The following PDE3A variants were observed in gnomAD, a reference collection of about 807,000 sequenced individuals.
The protein encoded by PDE3A is cGMP-inhibited 3',5'-cyclic phosphodiesterase 3A.
Under a neutral mutation model 98.3 loss-of-function variants are expected in PDE3A, and 43 were observed. The ratio of observed to expected loss-of-function variants is 0.44; its 90% CI spans 0.34 to 0.56. The LOEUF is 0.56. Ranked by LOEUF, PDE3A falls within the 20% of genes least tolerant of loss-of-function variation. The pLI is 0.01. For missense variants in PDE3A, 1,427 were observed against 1,440.7 expected (o/e 0.99, Z 0.15); for synonymous variants, 663 against 567.9 (o/e 1.17, Z -2.38).
intron 15 of PDE3A, among the ~76,000 whole-genome samples, chr12:20,676,824 A>G (rs1257606276): frequency 6.6e-6 from 1 of 152,132 alleles, no homozygotes; most frequent in Non-Finnish European, 1.5e-5. Context: ...AAGTTTGGCT[A>G]CAATGCACCA....
rs1286582922 is a variant in PDE3A, at chr12:20,369,049, G to A, written c.-236G>A. Reference sequence around the variant, plus strand: ...CTGCCCGTGCTTGTTTTCAACTTGAGCGTGCTAGCCTTTAACTTGAAGAAG... The same window carrying A: ...CTGCCCGTGCTTGTTTTCAACTTGAACGTGCTAGCCTTTAACTTGAAGAAG... On this transcript the variant is annotated 5_prime_UTR_variant, in exon 1 of 16. Transcript: ENST00000359062. Among the ~76,000 whole-genome samples, 1 of 152,226 alleles carries A rather than the reference G, an allele frequency of 6.6e-6. No individual in the cohort carries two copies. Among genetic ancestry groups the A allele is most frequent in the East Asian group, 1.9e-4 (1 of 5,170 alleles).
intron 1 of PDE3A, among the ~76,000 whole-genome samples, chr12:20,470,522 C>T (rs1945418741): frequency 6.6e-6 from 1 of 152,002 alleles, no homozygotes; most frequent in Non-Finnish European, 1.5e-5. Flanking sequence ...CTGGATTACC[C>T]CTCATAAAAA....
At position 20,520,494 on chromosome 12, in the gene PDE3A, G is replaced by A. The variant is rs555529201; in HGVS notation, c.961-36166G>A. On this transcript the variant is annotated intron_variant, in intron 1 of 15. Transcript: ENST00000359062. ...TAGGAGTAAAAATTCACCATGAGTAGTCAGCCAAAAGACACATGCAGATGC... is the reference window on the plus strand; with the variant it reads ...TAGGAGTAAAAATTCACCATGAGTAATCAGCCAAAAGACACATGCAGATGC... 1.1e-4 allele frequency among the ~76,000 whole-genome samples: 17 copies of A among 152,280 alleles called. No homozygotes were observed. In the South Asian group the frequency reaches 3.5e-3, roughly 32 times the overall value.
At position 20,591,679 on chromosome 12, in the gene PDE3A, T is replaced by C. The variant is rs115609670; in HGVS notation, c.1012-21764T>C. On this transcript the variant is annotated intron_variant, in intron 2 of 15. Transcript: ENST00000359062. The stretch of plus-strand genomic sequence containing the variant: ...TCTAGGGGCTGGTAGAGAGGTGTTA[T>C]TCTTTTTTCTCAGACTCAAAAACTG... 4.1e-3 allele frequency among the ~76,000 whole-genome samples: 630 copies of C among 152,344 alleles called. 7 individuals are homozygous for C. Among genetic ancestry groups the C allele is most frequent in the African/African-American group, 0.014 (597 of 41,582 alleles).
At chr12:20,655,359 G>T (rs551974495) in intron 15 of PDE3A, among the ~76,000 whole-genome samples, 13 of 152,266 alleles carry the variant, frequency 8.5e-5, no homozygotes, top group African/African-American at 3.1e-4. Flanking sequence ...AGCAACCTGT[G>T]CAAAGGTCCG....
chr12:20,400,721 A>G (rs1413351834), intron 1 of PDE3A, among the ~76,000 whole-genome samples: 2 of 152,092 alleles, frequency 1.3e-5, no homozygotes, highest in Admixed American at 6.5e-5. Context: ...CCCGGTCAAC[A>G]TTGTTAATAT....
chr12:20,527,666 T>G (rs540784902), intron 1 of PDE3A, among the ~76,000 whole-genome samples: 58 of 152,292 alleles, frequency 3.8e-4, no homozygotes, highest in African/African-American at 1.4e-3. Flanking sequence ...TCTTATTAGA[T>G]CTGCAGCTGG....
chr12:20,391,015 C>T (rs1943903864), intron 1 of PDE3A, among the ~76,000 whole-genome samples: 1 of 151,884 alleles, frequency 6.6e-6, no homozygotes, highest in Non-Finnish European at 1.5e-5. Flanking sequence ...CAGACTTCAG[C>T]TTCTGTGTAA....
chr12:20,636,519 C>T (rs1944517643), intron 8 of PDE3A, among the ~76,000 whole-genome samples: 1 of 152,002 alleles, frequency 6.6e-6, no homozygotes, highest in Admixed American at 6.6e-5. Flanking sequence ...TCTCAAGAAA[C>T]AGTAGGTCAC....
chr12:20,640,687 A>G (rs967603695), intron 10 of PDE3A, among the ~76,000 whole-genome samples: 1 of 152,124 alleles, frequency 6.6e-6, no homozygotes, highest in Non-Finnish European at 1.5e-5. Context: ...TTCATTATGT[A>G]GCATTTCAGG....
intron 2 of PDE3A, among the ~76,000 whole-genome samples, chr12:20,561,434 A>T (rs183577822): frequency 5.1e-4 from 77 of 152,310 alleles, no homozygotes; most frequent in Non-Finnish European, 1.6e-4. Flanking sequence ...TAGATATCTA[A>T]AAAAGGGAAC....
rs139298153 is a variant in PDE3A at position 20,608,443 on chromosome 12, A to G, written c.1012-5000A>G. Among the ~76,000 whole-genome samples the G allele has an allele frequency of 8.3e-3, 1,261 of 152,166 alleles. 17 individuals are homozygous for G. Among genetic ancestry groups the G allele is most frequent in the African/African-American group, 0.029 (1,199 of 41,536 alleles). ...TTCTTAGCTAATTTCAATAAGGATA[A>G]TTTGTCTCTCGGCTTGAATGTTGCT... On this transcript the variant is annotated intron_variant, in intron 2 of 15. Transcript: ENST00000359062.
At chr12:20,657,528 C>T (rs1945071406) in intron 15 of PDE3A, among the ~76,000 whole-genome samples, 2 of 152,126 alleles carry the variant, frequency 1.3e-5, no homozygotes, top group Admixed American at 1.3e-4. Context: ...AGGTTTTTAT[C>T]CCACCTTATA....
chr12:20,497,405 T>A (rs1223398369), intron 1 of PDE3A, among the ~76,000 whole-genome samples: 4 of 151,682 alleles, frequency 2.6e-5, no homozygotes, highest in African/African-American at 7.3e-5. Flanking sequence ...CTTAACTGAA[T>A]GGAGGGCTGT....
intron 2 of PDE3A, among the ~76,000 whole-genome samples, chr12:20,562,529 T>G (rs1942554726): frequency 3.3e-5 from 5 of 152,036 alleles, no homozygotes; most frequent in Admixed American, 2.6e-4. Context: ...CTTTTTTTTT[T>G]TGTTTTTTAA....
chr12:20,459,350 A>G (rs1222510883), intron 1 of PDE3A, among the ~76,000 whole-genome samples: 2 of 152,140 alleles, frequency 1.3e-5, no homozygotes, highest in Non-Finnish European at 2.9e-5. Flanking sequence ...TCCAAACCCC[A>G]TGGTCCTCCT....
intron 2 of PDE3A, among the ~76,000 whole-genome samples, chr12:20,575,105 G>C (rs1942899327): frequency 1.3e-5 from 2 of 151,964 alleles, no homozygotes; most frequent in South Asian, 4.1e-4. Context: ...AGTAATTTAT[G>C]AGGAGGAATA....
chr12:20,518,808 A>G (rs1237673984), intron 1 of PDE3A, among the ~76,000 whole-genome samples: 1 of 152,224 alleles, frequency 6.6e-6, no homozygotes, highest in Non-Finnish European at 1.5e-5. Context: ...CTCCAGACGC[A>G]ACACTTAGAT....
chr12:20,588,799 T>C (rs1362831033), intron 2 of PDE3A, among the ~76,000 whole-genome samples: 2 of 152,206 alleles, frequency 1.3e-5, no homozygotes, highest in Non-Finnish European at 2.9e-5. Flanking sequence ...TGGGGACACA[T>C]TCTCAGGCCA....
Sources: allele counts gnomAD v4.1 joint callset (sites outside exome capture counted in the v4.1 genomes callset), GRCh38; gene constraint gnomAD v4.1.1; transcripts MANE v1.5; gene names NCBI Gene and HGNC (gene_info 2026-07-23, HGNC 2026-07-21).